Variants in ARHGEF3 observed in about 807,000 individuals in gnomAD.
ARHGEF3 encodes the protein 59.8 kDA protein.
A neutral mutation model predicts 63.2 loss-of-function variants in ARHGEF3; 28 were observed. The observed-to-expected ratio is 0.44, with a 90% CI of 0.33 to 0.61. The LOEUF (loss-of-function observed/expected upper bound fraction) is 0.61. Ranked by LOEUF, ARHGEF3 falls within the 20% of genes least tolerant of loss-of-function variation. The pLI, the probability that ARHGEF3 is intolerant of heterozygous loss-of-function variation, is 0.03. For synonymous variants in ARHGEF3, 266 were observed against 254.2 expected (o/e 1.05, Z -0.44); for missense variants, 533 against 659.3 (o/e 0.81, Z 2.10).
At chr3:56,964,070 G>A (rs1700388529) in intron 2 of ARHGEF3, among the ~76,000 whole-genome samples, 1 of 152,152 alleles carries the variant, frequency 6.6e-6, no homozygotes, top group African/African-American at 2.4e-5. Flanking sequence ...GAATCACAGA[G>A]GCTGCATGCG....
chr3:56,982,194 G>A (rs79439054), intron 2 of ARHGEF3, among the ~76,000 whole-genome samples: 39,842 of 151,334 alleles, frequency 0.26, 5,450 homozygotes, highest in East Asian at 0.41. Context: ...CACCTGGATC[G>A]AGCTATGCCT....
chr3:56,910,136 A>G (rs1369984847), intron 3 of ARHGEF3, among the ~76,000 whole-genome samples: 1 of 152,148 alleles, frequency 6.6e-6, no homozygotes, highest in East Asian at 1.9e-4. Flanking sequence ...GATCTCCTTT[A>G]CCCAACTCCA....
intron 3 of ARHGEF3, among the ~76,000 whole-genome samples, chr3:56,919,014 G>A (rs2042057635): frequency 6.6e-6 from 1 of 152,136 alleles, no homozygotes; most frequent in South Asian, 2.1e-4. Context: ...GTAGACAGAG[G>A]TTCATAAACC....
intron 1 of ARHGEF3, among the ~76,000 whole-genome samples, chr3:56,792,113 A>AAAAAAAAG (rs55899473): frequency 1.4e-5 from 2 of 139,984 alleles, no homozygotes; most frequent in Admixed American, 7.0e-5. Context: ...CAAAAAAAAA[A>AAAAAAAAG]AAAAGAAAAG....
intron 3 of ARHGEF3, among the ~76,000 whole-genome samples, chr3:56,895,038 C>A (rs874404): frequency 6.6e-6 from 1 of 152,070 alleles, no homozygotes; most frequent in Non-Finnish European, 1.5e-5. Flanking sequence ...CTAAAGAAGG[C>A]GTACCCTGAA....
intron 3 of ARHGEF3, among the ~76,000 whole-genome samples, chr3:56,946,746 G>A (rs1030817254): frequency 2.6e-5 from 4 of 152,146 alleles, no homozygotes; most frequent in African/African-American, 9.7e-5. Flanking sequence ...AGCAAGGCAG[G>A]CCAACATTCA....
chr3:56,732,317 G>A lies in ARHGEF3; in HGVS notation c.1149C>T (p.Asp383=). ...QLYRQPIPVK[D]LLLEDLQDGE... The stretch of plus-strand genomic sequence containing the variant: ...CATCCTGGAGGTCTTCCAGCAGGAG[G>A]TCTTTCACGGGGATTGGCTGACGGT... The change falls in exon 9 of 10, where the codon GAC becomes GAT. Residue 383 remains aspartate, a synonymous_variant. Coordinates refer to ENST00000296315, the MANE Select transcript of ARHGEF3 (RefSeq NM_019555.3). 1 of 1,614,198 alleles carries A rather than the reference G, an allele frequency of 6.2e-7. No individual in the cohort carries two copies. Among genetic ancestry groups the A allele is most frequent in the Non-Finnish European group, 8.5e-7 (1 of 1,180,046 alleles).
At chr3:56,847,403 C>T (rs913000434) in intron 4 of ARHGEF3, among the ~76,000 whole-genome samples, 4 of 152,198 alleles carry the variant, frequency 2.6e-5, no homozygotes, top group South Asian at 2.1e-4. Flanking sequence ...CTGTGCTGTA[C>T]GTTTAGTAAG....
chr3:57,054,958 T>G (rs1366483005), intron 1 of ARHGEF3, among the ~76,000 whole-genome samples: 1 of 152,028 alleles, frequency 6.6e-6, no homozygotes, highest in Non-Finnish European at 1.5e-5. Flanking sequence ...AAAAAAAATT[T>G]TTTTGTAAAT....
chr3:56,896,618 C>T (rs1468253076), intron 3 of ARHGEF3, among the ~76,000 whole-genome samples: 1 of 152,116 alleles, frequency 6.6e-6, no homozygotes, highest in African/African-American at 2.4e-5. Flanking sequence ...GGAACAGTTC[C>T]CCAGGCTTTC....
rs189387125 is a variant in ARHGEF3, at chr3:57,020,996, T to C, written c.62+14092A>G. On this transcript the variant is annotated intron_variant, in intron 2 of 12. Transcript: ENST00000338458. ...TCTAATGGATGAATGGTTTGTTCAT[T>C]TCCTCTAGCTTCAATGCCTCAAACA... Among the ~76,000 whole-genome samples, 216 of 152,338 alleles carry C rather than the reference T, an allele frequency of 1.4e-3. 2 individuals are homozygous for C. Among genetic ancestry groups the C allele is most frequent in the Non-Finnish European group, 1.0e-3 (68 of 68,022 alleles).
At chr3:57,030,888 C>A (rs1405685681) in intron 2 of ARHGEF3, among the ~76,000 whole-genome samples, 1 of 152,216 alleles carries the variant, frequency 6.6e-6, no homozygotes. Flanking sequence ...GTCCTCCTCA[C>A]AATAAAGTCA....
chr3:56,730,416 G>A (rs2033065005), intron 9 of ARHGEF3, among the ~76,000 whole-genome samples: 2 of 144,936 alleles, frequency 1.4e-5, no homozygotes, highest in Admixed American at 1.4e-4. Flanking sequence ...TTGAGACAGA[G>A]TCTTGCTCTG....
Position 56,992,024 on chromosome 3 carries a change from C to CTCTGTGTGTGTG in ARHGEF3, c.63-33136_63-33135insCACACACACAGA, listed in dbSNP as rs1239113895. Among the ~76,000 whole-genome samples the CTCTGTGTGTGTG allele has an allele frequency of 3.0e-4, 40 of 131,714 alleles. 1 individual carries two copies. Among genetic ancestry groups the CTCTGTGTGTGTG allele is most frequent in the South Asian group, 8.2e-4 (3 of 3,678 alleles). 86.4% of individuals were successfully genotyped at this position (131,714 alleles called of 152,430 possible). A position where few individuals can be genotyped will look rare whatever the true frequency, so the allele number is the denominator to read the frequency against. On this transcript the variant is annotated intron_variant, in intron 2 of 12. Transcript: ENST00000338458. ...TCTCACTCTCTCTCCCCTCCTCTCT[C>CTCTGTGTGTGTG]TGTGTGTGTGTGTGTGTGTGTGTGT... is the stretch of plus-strand genomic sequence containing the variant.
intron 1 of ARHGEF3, among the ~76,000 whole-genome samples, chr3:57,055,775 C>T (rs1360815598): frequency 6.6e-6 from 1 of 152,212 alleles, no homozygotes; most frequent in Non-Finnish European, 1.5e-5. Context: ...GATTCCTCCT[C>T]GCCCCTGAAG....
intron 4 of ARHGEF3, among the ~76,000 whole-genome samples, chr3:56,810,697 T>C (rs983714843): frequency 4.6e-5 from 7 of 152,122 alleles, no homozygotes; most frequent in African/African-American, 1.7e-4. Flanking sequence ...CCCATACATT[T>C]ATAGAGAAAT....
intron 4 of ARHGEF3, among the ~76,000 whole-genome samples, chr3:56,843,755 T>C (rs375770265): frequency 2.0e-5 from 3 of 152,342 alleles, no homozygotes; most frequent in East Asian, 3.9e-4. Context: ...TCTATAATAC[T>C]TTTTCTCAGA....
chr3:56,781,946 G>A (rs756627066), intron 1 of ARHGEF3, among the ~76,000 whole-genome samples: 1 of 152,136 alleles, frequency 6.6e-6, no homozygotes, highest in South Asian at 2.1e-4. Flanking sequence ...CTGGAAGGCA[G>A]GGCATGGTGC....
chr3:57,003,035 G>C (rs1283579020), intron 2 of ARHGEF3, among the ~76,000 whole-genome samples: 1 of 151,578 alleles, frequency 6.6e-6, no homozygotes, highest in Non-Finnish European at 1.5e-5. Context: ...CTCCCAAAGT[G>C]CTGGGATTAC....
Sources: gnomAD v4.1 joint callset for allele counts (sites outside exome capture counted in the v4.1 genomes callset) on GRCh38, gnomAD v4.1.1 for gene constraint, MANE v1.5 for transcripts, NCBI Gene and HGNC (gene_info 2026-07-23, HGNC 2026-07-21) for gene names.